SUPT16H: variants seen among roughly 807,000 people sequenced by gnomAD.
SUPT16H encodes FACT complex subunit SPT16.
Under a neutral mutation model 136.2 loss-of-function variants are expected in SUPT16H, and 24 were observed. That is an observed-to-expected ratio of 0.18 (90% CI 0.13 to 0.25). SUPT16H has a LOEUF of 0.25. SUPT16H is among the 10% of genes least tolerant of loss of function. The pLI, the probability that SUPT16H is intolerant of heterozygous loss-of-function variation, is 1.00. For synonymous variants in SUPT16H, 415 were observed against 428.2 expected, an observed-to-expected ratio of 0.97 and a Z score of 0.38; for missense variants, 623 against 1,270.2, an observed-to-expected ratio of 0.49 and a Z score of 7.74.
rs918346553 is a variant in SUPT16H at position 21,364,734 on chromosome 14, G to C, written c.1233+93C>G. The C allele has an allele frequency of 1.2e-5, 13 of 1,047,802 alleles. No homozygotes were observed. In the African/African-American group the frequency reaches 2.0e-4, roughly 16 times the overall value. The allele number at this position is 1,047,802 out of a possible 1,614,324, so 64.9% of individuals were successfully genotyped here. A position where few individuals can be genotyped will look rare whatever the true frequency, so the allele number is the denominator to read the frequency against. ...TCACACGGATTCTTCCCCTTAGCTAGCATTTAACAAAGCAAGAAAAAAACC... is the reference window on the plus strand; with the variant it reads ...TCACACGGATTCTTCCCCTTAGCTACCATTTAACAAAGCAAGAAAAAAACC... On this transcript the variant is annotated intron_variant, in intron 10 of 25. Transcript: ENST00000216297.
At chr14:21,364,997 C>CA in intron 9 of SUPT16H, 58 bp from the exon 10 acceptor site, 1 of 1,605,750 alleles carries the variant, frequency 6.2e-7, no homozygotes, top group Non-Finnish European at 8.5e-7. Context: ...AGGTGTGAGA[C>CA]ATATGCCTAA....
chr14:21,383,717 C>T, intron 1 of SUPT16H, 145 bp downstream of exon 1: 1 of 904,874 alleles, frequency 1.1e-6, no homozygotes. Context: ...TGGCCGCCTC[C>T]GGTGAATGAT....
intron 22 of SUPT16H, among the ~76,000 whole-genome samples, chr14:21,355,842 A>G (rs1438534366): frequency 6.6e-6 from 1 of 152,220 alleles, no homozygotes; most frequent in Non-Finnish European, 1.5e-5. Flanking sequence ...TCCACTTTAG[A>G]CAATATACAC....
Position 21,352,412 on chromosome 14 carries a change from C to A in SUPT16H, c.*261G>T. On this transcript the variant is annotated 3_prime_UTR_variant, in exon 26 of 26. Coordinates refer to ENST00000216297, the MANE Select transcript of SUPT16H (RefSeq NM_007192.4). ...GTGACAGGAAGAGAGAAGAATGAAA[C>A]AATATTTATTAACAGCGGGAGCCTC... 1 of 474,320 alleles carries A rather than the reference C, an allele frequency of 2.1e-6. No homozygotes were observed. Among genetic ancestry groups the A allele is most frequent in the South Asian group, 2.6e-5 (1 of 38,598 alleles). 29.4% of individuals were successfully genotyped at this position (474,320 alleles called of 1,614,324 possible).
Position 21,352,297 on chromosome 14 carries a change from T to TA in SUPT16H, c.*375dup, listed in dbSNP as rs1886328438. On this transcript the variant is annotated 3_prime_UTR_variant, in exon 26 of 26. Transcript: ENST00000216297. ...TGCTGGTCAAGAACCATGATACGGG[T>TA]AATTAAGGGTCACCTTGTACCACTG... 1 of 223,638 alleles carries TA rather than the reference T, an allele frequency of 4.5e-6. No individual in the cohort carries two copies. Among genetic ancestry groups the TA allele is most frequent in the African/African-American group, 2.3e-5 (1 of 42,558 alleles). 13.9% of individuals were successfully genotyped at this position (223,638 alleles called of 1,614,324 possible). A position where few individuals can be genotyped will look rare whatever the true frequency, so the allele number is the denominator to read the frequency against.
chr14:21,366,088 G>A (rs1363338295), intron 8 of SUPT16H, among the ~76,000 whole-genome samples: 2 of 152,148 alleles, frequency 1.3e-5, no homozygotes, highest in Non-Finnish European at 2.9e-5. Context: ...GACAGAGTGA[G>A]ACCCTGTCTC....
chr14:21,369,151 GAAAA>G, intron 6 of SUPT16H, 49 bp downstream of exon 6: 1 of 1,570,594 alleles, frequency 6.4e-7, no homozygotes, highest in Admixed American at 1.9e-5. Flanking sequence ...TTAACAAAAA[GAAAA>G]AATAGGCTAA....
chr14:21,367,539 G>C (rs1886697929), intron 7 of SUPT16H, among the ~76,000 whole-genome samples: 1 of 152,148 alleles, frequency 6.6e-6, no homozygotes, highest in African/African-American at 2.4e-5. Context: ...ATTTCCAATA[G>C]GACTTCTTAA....
intron 7 of SUPT16H, among the ~76,000 whole-genome samples, chr14:21,367,851 G>GT (rs199885862): frequency 0.018 from 2,680 of 152,244 alleles, 31 homozygotes; most frequent in Non-Finnish European, 0.027. Flanking sequence ...ATCTTATTCT[G>GT]TTTTTAATAT....
In SUPT16H at chr14:21,352,525, T is replaced by G; in HGVS notation, c.*148A>C. The G allele has an allele frequency of 7.8e-7, 1 of 1,274,362 alleles. No homozygotes were observed. Among genetic ancestry groups the G allele is most frequent in the East Asian group, 2.3e-5 (1 of 42,840 alleles). 78.9% of individuals were successfully genotyped at this position (1,274,362 alleles called of 1,614,324 possible). A position where few individuals can be genotyped will look rare whatever the true frequency, so the allele number is the denominator to read the frequency against. Reference sequence around the variant, plus strand: ...GTGGGCCTGGAATTCCCCGAGTAGATTGGTCCACACAAATGGCCCCCTAAA... The same window carrying G: ...GTGGGCCTGGAATTCCCCGAGTAGAGTGGTCCACACAAATGGCCCCCTAAA... On this transcript the variant is annotated 3_prime_UTR_variant, in exon 26 of 26. Coordinates refer to ENST00000216297, the MANE Select transcript of SUPT16H (RefSeq NM_007192.4).
chr14:21,353,587 G>C (rs372556664), intron 24 of SUPT16H, 22 bp from the exon 25 acceptor site: 2 of 1,611,726 alleles, frequency 1.2e-6, no homozygotes, highest in African/African-American at 1.3e-5. Flanking sequence ...TTAATTAAGC[G>C]TTAGTCATCA....
rs1253897026 is a variant in SUPT16H at position 21,360,859 on chromosome 14, C to T, written c.2043G>A (p.Glu681=). Reference sequence around the variant, plus strand: ...GATCATCCATACCATTGACATGGGCCTCCAGTGAGCCTTGCATCCTCTTTT... The same window carrying T: ...GATCATCCATACCATTGACATGGGCTTCCAGTGAGCCTTGCATCCTCTTTT... The part of the protein sequence containing the change: ...IAQKRMQGSL[E]AHVNGFRFTS... Residue 681 remains glutamate (E), a synonymous_variant, in exon 17 of 26, where the codon GAG becomes GAA. Transcript: ENST00000216297. 3 of 1,613,988 alleles carry T rather than the reference C, an allele frequency of 1.9e-6. No homozygotes were observed. Among genetic ancestry groups the T allele is most frequent in the Non-Finnish European group, 2.5e-6 (3 of 1,179,972 alleles).
At chr14:21,369,723 T>C (rs753055422) in intron 5 of SUPT16H, 27 bp downstream of exon 5, 1 of 1,613,098 alleles carries the variant, frequency 6.2e-7, no homozygotes, top group Admixed American at 1.7e-5. Flanking sequence ...ATTAAAACAG[T>C]AAAAAGACCC....
chr14:21,360,339 A>C, intron 18 of SUPT16H, 76 bp downstream of exon 18: 1 of 1,205,530 alleles, frequency 8.3e-7, no homozygotes, highest in Non-Finnish European at 1.2e-6. Context: ...TTTCATCACT[A>C]TTTTATAGGA....
At chr14:21,365,808 AAAAC>A (rs1405006480) in intron 8 of SUPT16H, among the ~76,000 whole-genome samples, 3 of 152,182 alleles carry the variant, frequency 2.0e-5, no homozygotes, top group South Asian at 2.1e-4. Context: ...AAAAACCCCC[AAAAC>A]AAACAAACGG....
chr14:21,362,349 G>A, intron 14 of SUPT16H, 25 bp from the exon 15 acceptor site: 10 of 1,597,298 alleles, frequency 6.3e-6, no homozygotes, highest in Non-Finnish European at 8.5e-6. Flanking sequence ...AGCATAAAAA[G>A]TAAACAGATT....
Position 21,373,326 on chromosome 14 carries a change from T to A in SUPT16H, c.159+12A>T, listed in dbSNP as rs1392519501. The A allele has an allele frequency of 2.5e-6, 4 of 1,603,006 alleles. No homozygotes were observed. On this transcript the variant is annotated intron_variant, in intron 2 of 25. Transcript: ENST00000216297. ...CAACTCTAAGAGCTAAAAATTGCTG[T>A]AAATCTCTCACCTGTAAGGCAGTTG...
intron 24 of SUPT16H, 59 bp downstream of exon 24, chr14:21,353,644 G>A: frequency 1.2e-6 from 2 of 1,603,528 alleles, no homozygotes; most frequent in South Asian, 2.2e-5. Flanking sequence ...AAAAAAAGTA[G>A]TTTTCAGAAA....
rs775463062 is a variant in SUPT16H, at chr14:21,368,266, C to T, written c.955+3G>A. The T allele has an allele frequency of 1.2e-6, 2 of 1,608,768 alleles. No homozygotes were observed. Among genetic ancestry groups the T allele is most frequent in the South Asian group, 1.1e-5 (1 of 90,188 alleles). On this transcript the variant is annotated splice_donor_region_variant and intron_variant, in intron 7 of 25. Coordinates refer to ENST00000216297, the MANE Select transcript of SUPT16H (RefSeq NM_007192.4). ...TCAAACCTCCTTTTCTAAGGCACCT[C>T]ACCATGTCTTAATTCCTTCAGCAGC...
Sources: allele counts gnomAD v4.1 joint callset (sites outside exome capture counted in the v4.1 genomes callset), GRCh38; gene constraint gnomAD v4.1.1; transcripts MANE v1.5; gene names NCBI Gene and HGNC (gene_info 2026-07-23, HGNC 2026-07-21).